GRID2: variants seen among roughly 807,000 people sequenced by gnomAD.
GRID2 encodes the protein glutamate ionotropic receptor delta type subunit 2.
In GRID2, 33 loss-of-function variants were observed where a neutral mutation model predicts 114.8. The ratio of observed to expected loss-of-function variants is 0.29; its 90% CI spans 0.22 to 0.38. GRID2 has a LOEUF of 0.38. GRID2 is among the 10% of genes least tolerant of loss of function. The probability of loss-of-function intolerance (pLI) is 1.00; values close to 1 mark genes in which losing one functional copy is unlikely to be tolerated. For synonymous variants in GRID2, 505 were observed against 449.9 expected, an observed-to-expected ratio of 1.12 and a Z score of -1.55; for missense variants, 1,184 against 1,257.7, an observed-to-expected ratio of 0.94 and a Z score of 0.89.
intron 2 of GRID2, among the ~76,000 whole-genome samples, chr4:92,849,766 T>G (rs1743623522): frequency 6.6e-6 from 1 of 151,842 alleles, no homozygotes; most frequent in African/African-American, 2.4e-5. Context: ...GCTTCTAATA[T>G]GAGGCTAGAT....
intron 1 of GRID2, among the ~76,000 whole-genome samples, chr4:93,780,910 C>T (rs1488768630): frequency 3.9e-5 from 6 of 152,202 alleles, no homozygotes; most frequent in African/African-American, 1.2e-4. Context: ...ACAATAATTT[C>T]GGTATGTGCT....
At chr4:92,407,219 A>C (rs1380455287) in intron 1 of GRID2, among the ~76,000 whole-genome samples, 2 of 152,072 alleles carry the variant, frequency 1.3e-5, no homozygotes, top group Non-Finnish European at 1.5e-5. Flanking sequence ...CTTCCTCAAC[A>C]CCTGGGGATT....
At chr4:92,446,646 A>T (rs1733484148) in intron 1 of GRID2, among the ~76,000 whole-genome samples, 1 of 152,094 alleles carries the variant, frequency 6.6e-6, no homozygotes, top group African/African-American at 2.4e-5. Context: ...CTTGTTTTTG[A>T]GGTCTCCTTA....
At chr4:92,783,223 G>A (rs1223608152) in intron 2 of GRID2, among the ~76,000 whole-genome samples, 2 of 152,024 alleles carry the variant, frequency 1.3e-5, no homozygotes, top group Admixed American at 1.3e-4. Flanking sequence ...GAATAGCTAT[G>A]TTGTGGGTTT....
intron 2 of GRID2, among the ~76,000 whole-genome samples, chr4:92,746,663 A>G (rs1211072122): frequency 6.6e-6 from 1 of 152,034 alleles, no homozygotes; most frequent in Non-Finnish European, 1.5e-5. Flanking sequence ...AGAATGTTTC[A>G]CTGGTATGCA....
intron 10 of GRID2, among the ~76,000 whole-genome samples, chr4:93,451,625 A>G (rs989550007): frequency 4.6e-5 from 7 of 152,108 alleles, no homozygotes; most frequent in African/African-American, 1.7e-4. Context: ...TTTGCTCTAT[A>G]GAAAGACTAC....
intron 2 of GRID2, among the ~76,000 whole-genome samples, chr4:92,611,506 A>C (rs1343842975): frequency 6.6e-6 from 1 of 151,542 alleles, no homozygotes; most frequent in Non-Finnish European, 1.5e-5. Context: ...ATTAATCCAC[A>C]CTGAGCATTA....
rs577834229 is a variant in GRID2, at chr4:93,036,619, C to T, written c.245-48376C>T. Among the ~76,000 whole-genome samples the T allele has an allele frequency of 2.6e-5, 4 of 152,200 alleles. No homozygotes were observed. The East Asian group carries it at 7.7e-4, about 29-fold the overall frequency. On this transcript the variant is annotated intron_variant, in intron 2 of 15. Transcript: ENST00000282020. ...TAAGGAAGTTAGCCAATAATGTTAT[C>T]AGAAAACACAGCAAAGCTTTTAGAT...
At chr4:92,491,128 A>G (rs749399973) in intron 1 of GRID2, among the ~76,000 whole-genome samples, 6 of 152,130 alleles carry the variant, frequency 3.9e-5, no homozygotes, top group Non-Finnish European at 7.4e-5. Context: ...ATTTTTCCCT[A>G]ACATATTAGC....
intron 1 of GRID2, among the ~76,000 whole-genome samples, chr4:92,358,360 A>G (rs1728447703): frequency 6.6e-6 from 1 of 151,948 alleles, no homozygotes; most frequent in Non-Finnish European, 1.5e-5. Context: ...GATTGAATAT[A>G]TAGAAATTTG....
At chr4:92,361,881 C>G (rs944113377) in intron 1 of GRID2, among the ~76,000 whole-genome samples, 2 of 151,912 alleles carry the variant, frequency 1.3e-5, no homozygotes, top group Non-Finnish European at 2.9e-5. Context: ...TCTTTCCATT[C>G]TAGGATCATC....
chr4:92,652,921 C>T (rs576266940), intron 2 of GRID2, among the ~76,000 whole-genome samples: 7 of 121,814 alleles, frequency 5.7e-5, no homozygotes, highest in African/African-American at 1.8e-4. Flanking sequence ...TTTATAAATA[C>T]ATATAAATAT....
At chr4:93,687,555 G>A (rs1487005120) in intron 14 of GRID2, among the ~76,000 whole-genome samples, 3 of 151,964 alleles carry the variant, frequency 2.0e-5, no homozygotes, top group African/African-American at 7.2e-5. Flanking sequence ...GAAAACAGTG[G>A]TATAGCACCC....
At chr4:92,689,664 C>T (rs1306822721) in intron 2 of GRID2, among the ~76,000 whole-genome samples, 4 of 152,194 alleles carry the variant, frequency 2.6e-5, no homozygotes, top group African/African-American at 9.7e-5. Flanking sequence ...TTCGAAACCA[C>T]CCCCACCCCC....
chr4:92,897,431 A>T (rs563606967), intron 2 of GRID2, among the ~76,000 whole-genome samples: 15 of 150,486 alleles, frequency 1.0e-4, no homozygotes, highest in South Asian at 2.1e-4. Flanking sequence ...TGTTTGTTTT[A>T]AAAAAAAAGT....
chr4:92,387,978 T>C (rs1730055838), intron 1 of GRID2, among the ~76,000 whole-genome samples: 1 of 152,050 alleles, frequency 6.6e-6, no homozygotes, highest in South Asian at 2.1e-4. Flanking sequence ...GTAAAACAAA[T>C]GCTCAATAAT....
intron 8 of GRID2, among the ~76,000 whole-genome samples, chr4:93,284,220 C>T (rs1000992832): frequency 7.9e-5 from 12 of 151,930 alleles, no homozygotes; most frequent in African/African-American, 2.9e-4. Flanking sequence ...GAAAACATAA[C>T]AACATTTTTT....
At chr4:92,673,016 A>T (rs1052923249) in intron 2 of GRID2, among the ~76,000 whole-genome samples, 4 of 152,124 alleles carry the variant, frequency 2.6e-5, no homozygotes, top group African/African-American at 9.7e-5. Context: ...TTACTCTCTT[A>T]TCTTCGTAAG....
chr4:92,965,446 T>C (rs1449212757), intron 2 of GRID2, among the ~76,000 whole-genome samples: 1 of 66,722 alleles, frequency 1.5e-5, no homozygotes, highest in Non-Finnish European at 3.1e-5. Flanking sequence ...AAACATTCAA[T>C]TTGTAAAAAA....
Sources: gnomAD v4.1 joint callset for allele counts (sites outside exome capture counted in the v4.1 genomes callset) on GRCh38, gnomAD v4.1.1 for gene constraint, MANE v1.5 for transcripts, NCBI Gene and HGNC (gene_info 2026-07-23, HGNC 2026-07-21) for gene names.